Variants in FARP1 observed in about 807,000 individuals in gnomAD.
FARP1 encodes FERM, ARHGEF and pleckstrin domain-containing protein 1.
FARP1 carries 52 observed loss-of-function variants against 128.8 expected under a neutral mutation model. The observed-to-expected ratio is 0.40, with a 90% CI of 0.32 to 0.51. The LOEUF (loss-of-function observed/expected upper bound fraction) is 0.51, where lower values mean the gene tolerates loss of function less well. FARP1 is among the 20% of genes least tolerant of loss of function. The pLI is 0.45. For synonymous variants in FARP1, 580 were observed against 551.8 expected, an observed-to-expected ratio of 1.05 and a Z score of -0.72; for missense variants, 1,333 against 1,367.9, an observed-to-expected ratio of 0.97 and a Z score of 0.40.
intron 11 of FARP1, 73 bp downstream of exon 11, chr13:98,390,953 A>C: frequency 4.9e-6 from 5 of 1,030,124 alleles, no homozygotes; most frequent in Non-Finnish European, 7.6e-6. Context: ...GTTGCTGCTA[A>C]ATATTTCTTT....
chr13:98,191,538 G>A (rs1486297805), intron 1 of FARP1, among the ~76,000 whole-genome samples: 3 of 152,178 alleles, frequency 2.0e-5, no homozygotes, highest in Admixed American at 6.5e-5. Flanking sequence ...GACTACCAAC[G>A]TGAATTTCAT....
intron 1 of FARP1, among the ~76,000 whole-genome samples, chr13:98,166,989 A>C (rs1216561123): frequency 1.3e-5 from 2 of 152,144 alleles, no homozygotes; most frequent in Non-Finnish European, 2.9e-5. Context: ...GGCCTCCCAA[A>C]GTTCTGGGAT....
chr13:98,319,083 C>T (rs1352156552), intron 2 of FARP1, among the ~76,000 whole-genome samples: 1 of 151,564 alleles, frequency 6.6e-6, no homozygotes, highest in Non-Finnish European at 1.5e-5. Context: ...CCGCCTCAGC[C>T]TCCCAAGTAG....
At chr13:98,442,323 C>T (rs1388820097) in intron 24 of FARP1, among the ~76,000 whole-genome samples, 4 of 152,206 alleles carry the variant, frequency 2.6e-5, no homozygotes, top group African/African-American at 7.2e-5. Context: ...GAGAGAGTCT[C>T]GGAATTTATT....
chr13:98,180,495 T>G (rs1384350255), intron 1 of FARP1, among the ~76,000 whole-genome samples: 1 of 152,178 alleles, frequency 6.6e-6, no homozygotes, highest in East Asian at 1.9e-4. Context: ...TCAGCCAGTC[T>G]TCTTGTGTGG....
At chr13:98,333,111 T>A (rs1887579921) in intron 2 of FARP1, 1 of 152,180 alleles carries the variant, frequency 6.6e-6, no homozygotes, top group Admixed American at 6.5e-5. Context: ...AGACACATCT[T>A]TTGCTCTTGC....
intron 1 of FARP1, among the ~76,000 whole-genome samples, chr13:98,173,914 T>C (rs1208998935): frequency 6.6e-6 from 1 of 152,240 alleles, no homozygotes; most frequent in Non-Finnish European, 1.5e-5. Flanking sequence ...ATCCCTGTTC[T>C]GAGCTGTTTC....
At chr13:98,183,590 T>G (rs1878671172) in intron 1 of FARP1, among the ~76,000 whole-genome samples, 1 of 152,208 alleles carries the variant, frequency 6.6e-6, no homozygotes, top group South Asian at 2.1e-4. Flanking sequence ...GGGCACTGCA[T>G]TTTTGTTATG....
chr13:98,330,312 AGG>A lies in FARP1; in HGVS notation c.172-13447_172-13446del, dbSNP rs143618463. Among the ~76,000 whole-genome samples, 1,444 of 152,230 alleles carry A rather than the reference AGG, an allele frequency of 9.5e-3. 25 individuals carry two copies. Among genetic ancestry groups the A allele is most frequent in the African/African-American group, 0.033 (1,363 of 41,522 alleles). On this transcript the variant is annotated intron_variant, in intron 2 of 26. Transcript: ENST00000319562. The stretch of plus-strand genomic sequence containing the variant: ...ACTCTGAGTGAAAAACATTTTGAGT[AGG>A]GGAGTGACATGTCTGATTTAAAGTA...
intron 1 of FARP1, among the ~76,000 whole-genome samples, chr13:98,152,806 G>T (rs1007106069): frequency 3.9e-5 from 6 of 152,144 alleles, no homozygotes; most frequent in Non-Finnish European, 5.9e-5. Flanking sequence ...TGTTAGAGAT[G>T]ATCTCTTTAT....
At chr13:98,226,005 C>CCCCA (rs77317806) in intron 2 of FARP1, among the ~76,000 whole-genome samples, 51,139 of 151,814 alleles carry the variant, frequency 0.34, 9,020 homozygotes, top group Middle Eastern at 0.48. Flanking sequence ...TTTAGTTGTC[C>CCCCA]GTTTTTCCAG....
At chr13:98,445,934 A>G in intron 24 of FARP1, 164 bp from the exon 25 acceptor site, 1 of 583,286 alleles carries the variant, frequency 1.7e-6, no homozygotes, top group Non-Finnish European at 3.1e-6. Flanking sequence ...TCAGGGTCCC[A>G]GGACCTGCCA....
At chr13:98,144,651 G>T (rs1332764829) in intron 1 of FARP1, among the ~76,000 whole-genome samples, 2 of 152,206 alleles carry the variant, frequency 1.3e-5, no homozygotes, top group Admixed American at 6.5e-5. Context: ...TGCTTTGCAC[G>T]TGGTGACTTG....
chr13:98,213,499 T>G, intron 2 of FARP1, 86 bp downstream of exon 2: 1 of 1,384,064 alleles, frequency 7.2e-7, no homozygotes, highest in Non-Finnish European at 9.9e-7. Flanking sequence ...CCATGGCCAG[T>G]GACATGAGGC....
chr13:98,328,446 C>T (rs1232027010), intron 2 of FARP1: 1 of 152,212 alleles, frequency 6.6e-6, no homozygotes, highest in Non-Finnish European at 1.5e-5. Context: ...TCCATCTTAA[C>T]TAAGCACTTA....
intron 17 of FARP1, 102 bp downstream of exon 17, chr13:98,424,752 CT>C: frequency 2.5e-6 from 2 of 790,258 alleles, no homozygotes; most frequent in South Asian, 2.9e-5. Context: ...CATGCATCAC[CT>C]GATTTGACTC....
At chr13:98,296,584 G>A (rs1167627273) in intron 2 of FARP1, among the ~76,000 whole-genome samples, 2 of 151,940 alleles carry the variant, frequency 1.3e-5, no homozygotes, top group Non-Finnish European at 2.9e-5. Flanking sequence ...GCTAATGGGA[G>A]CCTTTTTTGC....
intron 2 of FARP1, among the ~76,000 whole-genome samples, chr13:98,276,510 A>G (rs755748315): frequency 6.6e-6 from 1 of 152,248 alleles, no homozygotes; most frequent in Non-Finnish European, 1.5e-5. Context: ...GACAAAAGAG[A>G]GGAGCTAAAC....
chr13:98,319,722 C>T (rs1487016049), intron 2 of FARP1, among the ~76,000 whole-genome samples: 1 of 152,124 alleles, frequency 6.6e-6, no homozygotes. Flanking sequence ...CTTATTTTGT[C>T]AGGATCAAAT....
Sources: gnomAD v4.1 joint callset for allele counts (sites outside exome capture counted in the v4.1 genomes callset) on GRCh38, gnomAD v4.1.1 for gene constraint, MANE v1.5 for transcripts, NCBI Gene and HGNC (gene_info 2026-07-23, HGNC 2026-07-21) for gene names.